DES: variants seen among roughly 807,000 people sequenced by gnomAD.
DES encodes cardiomyopathy, dilated 1F (autosomal dominant).
A neutral mutation model predicts 55.1 loss-of-function variants in DES; 34 were observed. The observed-to-expected ratio is 0.62, with a 90% CI of 0.47 to 0.82. DES has a LOEUF of 0.82. Among genes scored for constraint, DES ranks in the 40% least tolerant of loss-of-function variants. DES has a pLI of 0.00. For synonymous variants in DES, 259 were observed against 270.8 expected, an observed-to-expected ratio of 0.96 and a Z score of 0.43; for missense variants, 596 against 645.9, an observed-to-expected ratio of 0.92 and a Z score of 0.84.
intron 7 of DES, among the ~76,000 whole-genome samples, chr2:219,424,030 T>G (rs1954493260): frequency 6.6e-6 from 1 of 152,188 alleles, no homozygotes; most frequent in Admixed American, 6.5e-5. Flanking sequence ...GCTTTTTATG[T>G]GATTATATTG....
In DES at chr2:219,421,393, G is replaced by A. The variant is rs756205824; in HGVS notation, c.1077G>A (p.Glu359=). The part of the protein sequence containing the change: ...MRELEDRFAS[E]ASGYQDNIAR... ...AATTGGAGGACCGATTTGCCAGTGA[G>A]GCCAGTGGCTACCAGGACAACATTG... The change falls in exon 6 of 9, where the codon GAG becomes GAA. Residue 359 remains glutamate, a synonymous_variant. Transcript: ENST00000373960. 3.1e-6 allele frequency: 5 copies of A among 1,614,112 alleles called. No homozygotes were observed. Among genetic ancestry groups the A allele is most frequent in the Non-Finnish European group, 4.2e-6 (5 of 1,180,018 alleles).
In DES at chr2:219,420,131, G is replaced by A. The variant is rs1295010624; in HGVS notation, c.615G>A (p.Glu205=). The A allele has an allele frequency of 6.2e-7, 1 of 1,614,246 alleles. No individual in the cohort carries two copies. Among genetic ancestry groups the A allele is most frequent in the Non-Finnish European group, 8.5e-7 (1 of 1,180,044 alleles). Residue 205 remains glutamate (E), a synonymous_variant, in exon 2 of 9, where the codon GAG becomes GAA. Coordinates refer to ENST00000373960, the MANE Select transcript of DES (RefSeq NM_001927.4). The surrounding 1 kb of genome is among the most constrained non-coding windows in gnomAD (Gnocchi z 6.0). The part of the protein sequence containing the change: ...QEEIQLKEEA[E]NNLAAFRADV... The stretch of plus-strand genomic sequence containing the variant: ...AGATTCAGTTGAAGGAAGAAGCAGA[G>A]AACAATTTGGCTGCCTTCCGAGCGG...
At chr2:219,425,632 CA>C (rs1288264458) in intron 7 of DES, 30 bp from the exon 8 acceptor site, 1 of 1,551,376 alleles carries the variant, frequency 6.4e-7, no homozygotes, top group South Asian at 1.2e-5. Flanking sequence ...TGGACTTGGT[CA>C]GGCTGAGTGT....
chr2:219,418,873 C>G lies in DES; in HGVS notation c.411C>G (p.Ala137=), dbSNP rs549278754. Residue 137 remains alanine (A), a synonymous_variant, in exon 1 of 9, where the codon GCC becomes GCG. Coordinates refer to ENST00000373960, the MANE Select transcript of DES (RefSeq NM_001927.4). ...RFLEQQNAAL[A]AEVNRLKGRE... is the part of the protein sequence containing the mutation. Reference sequence around the variant, plus strand: ...TGGAGCAGCAGAACGCGGCGCTCGCCGCCGAAGTGAACCGGCTCAAGGGCC... The same window carrying G: ...TGGAGCAGCAGAACGCGGCGCTCGCGGCCGAAGTGAACCGGCTCAAGGGCC... The G allele has an allele frequency of 1.9e-6, 3 of 1,573,808 alleles. No homozygotes were observed. Among genetic ancestry groups the G allele is most frequent in the Admixed American group, 1.9e-5 (1 of 53,460 alleles).
At chr2:219,422,767 A>G (rs1954469099) in intron 6 of DES, among the ~76,000 whole-genome samples, 1 of 152,174 alleles carries the variant, frequency 6.6e-6, no homozygotes, top group South Asian at 2.1e-4. Context: ...TGCCTGGCCT[A>G]GAAATGTTCT....
At position 219,418,484 on chromosome 2, in the gene DES, A is replaced by G. The variant is rs752174050; in HGVS notation, c.22A>G (p.Ser8Gly). 2 of 1,599,656 alleles carry G rather than the reference A, an allele frequency of 1.3e-6. No homozygotes were observed. The highest frequency in any genetic ancestry group is 1.7e-6 in the Non-Finnish European group (2 of 1,177,046). Residue 8 changes from serine to glycine, a missense_variant, in exon 1 of 9, where the codon AGC becomes GGC. By Grantham distance (56) the Ser-to-Gly change is moderately conservative. Transcript: ENST00000373960. The stretch of plus-strand genomic sequence containing the variant: ...CACCATGAGCCAGGCCTACTCGTCC[A>G]GCCAGCGCGTGTCCTCCTACCGCCG... MSQAYSS[S>G]QRVSSYRRTF...
In DES at chr2:219,418,919, G is replaced by T; in HGVS notation, c.457G>T (p.Glu153Ter). 6.4e-7 allele frequency: 1 copy of T among 1,561,826 alleles called. No homozygotes were observed. Among genetic ancestry groups the T allele is most frequent in the South Asian group, 1.2e-5 (1 of 84,998 alleles). ...GGGCCGCGAGCCGACGCGAGTGGCC[G>T]AGCTCTACGAGGAGGAGCTGCGGGA... ...LKGREPTRVA[E>*]LYEEELRELR... The change falls in exon 1 of 9, where the codon GAG becomes TAG. Residue 153 changes from glutamate to a stop codon, truncating the protein, a stop_gained. Transcript: ENST00000373960. LOFTEE classifies it high-confidence loss of function.
At chr2:219,421,204 A>G in intron 5 of DES, 136 bp from the exon 6 acceptor site, 1 of 1,026,820 alleles carries the variant, frequency 9.7e-7, no homozygotes, top group Non-Finnish European at 1.5e-6. Context: ...GAGTGTTCAC[A>G]TATAGACTTA....
intron 7 of DES, 99 bp downstream of exon 7, chr2:219,423,919 G>A: frequency 7.4e-7 from 1 of 1,343,700 alleles, no homozygotes; most frequent in Non-Finnish European, 1.1e-6. Context: ...GGGACCCTGG[G>A]GCTAGGGACA....
In DES at chr2:219,420,984, C is replaced by T; in HGVS notation, c.1023+31C>T. ...TCCCTGCCCACCTGGCCAGGCCCTG[C>T]CCCTTCCTGTCTGCAGTTCACACCC... On this transcript the variant is annotated intron_variant, in intron 5 of 8. Coordinates refer to ENST00000373960, the MANE Select transcript of DES (RefSeq NM_001927.4). This position sits in a 1 kb window ranked among gnomAD's most constrained non-coding sequence, Gnocchi z 6.0. 6.2e-7 allele frequency: 1 copy of T among 1,608,158 alleles called. No homozygotes were observed. Among genetic ancestry groups the T allele is most frequent in the Non-Finnish European group, 8.5e-7 (1 of 1,177,928 alleles).
Position 219,420,446 on chromosome 2 carries a change from G to T in DES, c.736-49G>T, listed in dbSNP as rs752188244. On this transcript the variant is annotated intron_variant, in intron 3 of 8. Coordinates refer to ENST00000373960, the MANE Select transcript of DES (RefSeq NM_001927.4). This position sits in a 1 kb window ranked among gnomAD's most constrained non-coding sequence, Gnocchi z 6.0. ...TCTGGCTGGGAATAGGGGTGTGAGG[G>T]TGCTGTGTGGGCCCTGAGAGGGGAC... 10 of 1,613,418 alleles carry T rather than the reference G, an allele frequency of 6.2e-6. No individual in the cohort carries two copies. The highest frequency in any genetic ancestry group is 7.6e-6 in the Non-Finnish European group (9 of 1,179,696).
rs554065071 is a variant in DES at position 219,424,375 on chromosome 2, C to T, written c.1288+555C>T. On this transcript the variant is annotated intron_variant, in intron 7 of 8. Transcript: ENST00000373960. ...ATTTTGACATTAGTAATACGCAGATCGGGTGGCTTTCCAACCCCAGAGAGC... is the reference window on the plus strand; with the variant it reads ...ATTTTGACATTAGTAATACGCAGATTGGGTGGCTTTCCAACCCCAGAGAGC... 3.9e-5 allele frequency among the ~76,000 whole-genome samples: 6 copies of T among 152,324 alleles called. No individual in the cohort carries two copies. The South Asian group carries it at 1.0e-3, about 26-fold the overall frequency.
At position 219,426,209 on chromosome 2, in the gene DES, C is replaced by T; in HGVS notation, c.*219C>T. 2 of 655,450 alleles carry T rather than the reference C, an allele frequency of 3.1e-6. No individual in the cohort carries two copies. Among genetic ancestry groups the T allele is most frequent in the East Asian group, 5.5e-5 (2 of 36,596 alleles). 40.6% of individuals were successfully genotyped at this position (655,450 alleles called of 1,614,324 possible). The stretch of plus-strand genomic sequence containing the variant: ...CCCCGGCCACCTCTGCGGACCCCAG[C>T]TGTGAGCCTTGGCTGTTGGCAGTGA... On this transcript the variant is annotated 3_prime_UTR_variant, in exon 9 of 9. Transcript: ENST00000373960. The surrounding 1 kb of genome is among the most constrained non-coding windows in gnomAD (Gnocchi z 4.5).
Position 219,418,985 on chromosome 2 carries a change from C to T in DES, c.523C>T (p.Arg175Cys). ...QVEVLTNQRA[R>C]VDVERDNLLD... ...GGAGGTGCTCACTAACCAGCGCGCG[C>T]GCGTCGACGTCGAGCGCGACAACCT... Residue 175 changes from arginine to cysteine, a missense_variant, in exon 1 of 9, where the codon CGC becomes TGC. Physicochemically the swap from Arg to Cys is radical, Grantham distance 180 (BLOSUM62 -3). Transcript: ENST00000373960. 6.4e-7 allele frequency: 1 copy of T among 1,552,074 alleles called. No individual in the cohort carries two copies. Among genetic ancestry groups the T allele is most frequent in the East Asian group, 2.4e-5 (1 of 41,136 alleles).
intron 7 of DES, among the ~76,000 whole-genome samples, chr2:219,424,782 C>T (rs1204669124): frequency 2.0e-5 from 3 of 152,266 alleles, no homozygotes; most frequent in Admixed American, 6.5e-5. Flanking sequence ...TACCACTTCA[C>T]TCCGTGTCCT....
At position 219,420,023 on chromosome 2, in the gene DES, G is replaced by GC. The variant is rs1954403760; in HGVS notation, c.579-67dup. The GC allele has an allele frequency of 4.5e-6, 7 of 1,546,820 alleles. No homozygotes were observed. In the South Asian group the frequency reaches 7.8e-5, roughly 17 times the overall value. The stretch of plus-strand genomic sequence containing the variant: ...CTGTCCTGGACCCACCCCCTGGTCA[G>GC]CCCCCGGCCAGTCGTTTCCACTGCC... On this transcript the variant is annotated intron_variant, in intron 1 of 8. Coordinates refer to ENST00000373960, the MANE Select transcript of DES (RefSeq NM_001927.4). This position sits in a 1 kb window ranked among gnomAD's most constrained non-coding sequence, Gnocchi z 6.0.
intron 7 of DES, among the ~76,000 whole-genome samples, chr2:219,424,912 C>G (rs1954507883): frequency 6.6e-6 from 1 of 151,588 alleles, no homozygotes; most frequent in South Asian, 2.1e-4. Context: ...TTTTTTTTTT[C>G]TTTTGAAACG....
Position 219,418,455 on chromosome 2 carries a change from C to G in DES, c.-8C>G, listed in dbSNP as rs1258767674. The G allele has an allele frequency of 6.3e-7, 1 of 1,580,832 alleles. No individual in the cohort carries two copies. Among genetic ancestry groups the G allele is most frequent in the African/African-American group, 1.4e-5 (1 of 70,474 alleles). Reference sequence around the variant, plus strand: ...CGTGCGCCCGCCAGCCTCGCCCGCGCCGTCACCATGAGCCAGGCCTACTCG... The same window carrying G: ...CGTGCGCCCGCCAGCCTCGCCCGCGGCGTCACCATGAGCCAGGCCTACTCG... On this transcript the variant is annotated 5_prime_UTR_variant, in exon 1 of 9. Transcript: ENST00000373960.
chr2:219,422,075 T>C (rs1247990121), intron 6 of DES, among the ~76,000 whole-genome samples: 3 of 152,274 alleles, frequency 2.0e-5, no homozygotes, highest in South Asian at 4.1e-4. Context: ...AAGAGAAATA[T>C]AAGTATTCCC....
Sources: allele counts gnomAD v4.1 joint callset (sites outside exome capture counted in the v4.1 genomes callset), GRCh38; gene constraint gnomAD v4.1.1; non-coding constraint Gnocchi (gnomAD v3.1); transcripts MANE v1.5; gene names NCBI Gene and HGNC (gene_info 2026-07-23, HGNC 2026-07-21).